Variants in SV2C observed in about 807,000 individuals in gnomAD.
The protein encoded by SV2C is synaptic vesicle glycoprotein 2C, also known as solute carrier family 22 member B3.
SV2C carries 49 observed loss-of-function variants against 79.7 expected under a neutral mutation model. The observed-to-expected ratio is 0.61, with a 90% confidence interval of 0.49 to 0.78. The LOEUF (loss-of-function observed/expected upper bound fraction) is 0.78, where lower values mean the gene tolerates loss of function less well. Among genes scored for constraint, SV2C ranks in the 30% least tolerant of loss-of-function variants. The probability of loss-of-function intolerance (pLI) is 0.00; values close to 1 mark genes in which losing one functional copy is unlikely to be tolerated. For synonymous variants in SV2C, 334 were observed against 333.2 expected, an observed-to-expected ratio of 1.00 and a Z score of -0.03; for missense variants, 833 against 912.9, an observed-to-expected ratio of 0.91 and a Z score of 1.13.
chr5:76,036,280 T>A, the SV2C span, among the ~76,000 whole-genome samples: 1 of 152,164 alleles, frequency 6.6e-6, no homozygotes, highest in African/African-American at 2.4e-5. Context: ...AATTTGATCC[T>A]GTCATTATGA....
intron 12 of SV2C, among the ~76,000 whole-genome samples, chr5:76,303,513 G>A (rs969785639): frequency 1.6e-4 from 25 of 152,170 alleles, no homozygotes; most frequent in African/African-American, 5.8e-4. Flanking sequence ...AGCAAGGCTA[G>A]GTCATAGCCT....
At chr5:76,281,052 G>C (rs1747177775) in intron 4 of SV2C, 2 of 541,436 alleles carry the variant, frequency 3.7e-6, no homozygotes, top group South Asian at 2.8e-5. Context: ...GTCGGCCCCT[G>C]GCCAGGTTAA....
the SV2C span, among the ~76,000 whole-genome samples, chr5:75,872,786 C>T: frequency 6.6e-6 from 1 of 151,814 alleles, no homozygotes; most frequent in African/African-American, 2.4e-5. Flanking sequence ...GGAGGGATAG[C>T]ATTAGGAGAT....
At chr5:76,098,815 A>G (rs908881256) in intron 1 of SV2C, among the ~76,000 whole-genome samples, 1 of 152,244 alleles carries the variant, frequency 6.6e-6, no homozygotes, top group Non-Finnish European at 1.5e-5. Context: ...AATCCAGGTC[A>G]TCTTATACCT....
chr5:76,164,260 C>T (rs1218709955), intron 2 of SV2C, among the ~76,000 whole-genome samples: 1 of 152,080 alleles, frequency 6.6e-6, no homozygotes. Context: ...TTTTGATACC[C>T]CTGGCTCCTT....
chr5:75,927,947 T>G, the SV2C span, among the ~76,000 whole-genome samples: 6 of 152,192 alleles, frequency 3.9e-5, no homozygotes, highest in Non-Finnish European at 7.4e-5. Context: ...AATTCCCATA[T>G]CCGGGGTTGA....
chr5:75,970,551 T>A, the SV2C span, among the ~76,000 whole-genome samples: 7 of 151,894 alleles, frequency 4.6e-5, no homozygotes, highest in African/African-American at 1.7e-4. Context: ...AACACCTCTA[T>A]GCAAATAAAC....
chr5:76,349,669 A>ATTTT (rs34691117), intron 12 of SV2C, among the ~76,000 whole-genome samples: 1 of 137,498 alleles, frequency 7.3e-6, no homozygotes, highest in African/African-American at 2.7e-5. Flanking sequence ...TTTAGCCTTC[A>ATTTT]TTTTTTTTTT....
chr5:76,309,423 A>G (rs1441647578), intron 12 of SV2C, among the ~76,000 whole-genome samples: 1 of 151,842 alleles, frequency 6.6e-6, no homozygotes, highest in Non-Finnish European at 1.5e-5. Flanking sequence ...ACAAGGTGAA[A>G]CCCCGTCTCT....
intron 1 of SV2C, among the ~76,000 whole-genome samples, chr5:76,095,134 A>G (rs1162073997): frequency 6.6e-6 from 1 of 151,988 alleles, no homozygotes. Flanking sequence ...AATGAAATAT[A>G]TAGTTTCAGA....
the SV2C span, among the ~76,000 whole-genome samples, chr5:75,904,128 G>GT: frequency 6.6e-6 from 1 of 152,164 alleles, no homozygotes; most frequent in African/African-American, 2.4e-5. Flanking sequence ...AGTAATGGAT[G>GT]TTTGGTAGTT....
At chr5:76,177,504 ATATAC>A (rs1462369260) in intron 2 of SV2C, among the ~76,000 whole-genome samples, 1 of 146,102 alleles carries the variant, frequency 6.8e-6, no homozygotes, top group Non-Finnish European at 1.5e-5. Flanking sequence ...AATTATAACA[ATATAC>A]TATAATAAAA....
the SV2C span, among the ~76,000 whole-genome samples, chr5:76,056,981 GTC>G: frequency 1.6e-4 from 24 of 151,890 alleles, no homozygotes; most frequent in African/African-American, 5.8e-4. Flanking sequence ...GGTTTTCTGT[GTC>G]TCTATCTCCT....
intron 4 of SV2C, among the ~76,000 whole-genome samples, chr5:76,265,809 G>T (rs920270208): frequency 7.9e-5 from 12 of 152,236 alleles, no homozygotes; most frequent in African/African-American, 2.9e-4. Flanking sequence ...TGCACCCACT[G>T]CCCAGCCAGT....
At chr5:76,272,631 A>G (rs1158237297) in intron 4 of SV2C, among the ~76,000 whole-genome samples, 1 of 151,890 alleles carries the variant, frequency 6.6e-6, no homozygotes, top group African/African-American at 2.4e-5. Flanking sequence ...TTTTGTTTTG[A>G]AAGTATTTCG....
the SV2C span, among the ~76,000 whole-genome samples, chr5:76,013,063 A>G: frequency 1.3e-5 from 2 of 151,996 alleles, no homozygotes; most frequent in South Asian, 2.1e-4. Context: ...TGTTCTTTTT[A>G]CTTAGGATTG....
chr5:76,304,905 A>G (rs1487542771), intron 12 of SV2C, among the ~76,000 whole-genome samples: 1 of 152,332 alleles, frequency 6.6e-6, no homozygotes, highest in East Asian at 1.9e-4. Flanking sequence ...TGGGTAATTT[A>G]TAAGAAAAGA....
intron 4 of SV2C, among the ~76,000 whole-genome samples, chr5:76,273,520 A>G (rs1041434846): frequency 3.9e-5 from 6 of 152,304 alleles, no homozygotes; most frequent in African/African-American, 1.4e-4. Flanking sequence ...TGAATTTGTG[A>G]GTTTCAAAAG....
the SV2C span, among the ~76,000 whole-genome samples, chr5:75,880,881 CAG>C: frequency 6.6e-6 from 1 of 152,116 alleles, no homozygotes; most frequent in African/African-American, 2.4e-5. Flanking sequence ...TTATAAAGAA[CAG>C]AGGTTTAGTT....
Sources: allele counts gnomAD v4.1 joint callset (sites outside exome capture counted in the v4.1 genomes callset), GRCh38; gene constraint gnomAD v4.1.1; transcripts MANE v1.5; gene names NCBI Gene and HGNC (gene_info 2026-07-23, HGNC 2026-07-21).